The following COL11A1 variants were observed in gnomAD, a reference collection of about 807,000 sequenced individuals.
The protein encoded by COL11A1 is collagen alpha-1(XI) chain.
A neutral mutation model predicts 265.2 loss-of-function variants in COL11A1; 74 were observed. That is an observed-to-expected ratio of 0.28 (90% CI 0.23 to 0.34). The LOEUF is 0.34. Among genes scored for constraint, COL11A1 ranks in the 10% least tolerant of loss-of-function variants. The pLI is 1.00. For missense variants in COL11A1, 2,165 were observed against 2,263.6 expected (o/e 0.96, Z 0.88); for synonymous variants, 816 against 727.6 (o/e 1.12, Z -1.96).
intron 8 of COL11A1, 91 bp downstream of exon 8, chr1:103,022,651 T>A: frequency 6.5e-7 from 1 of 1,530,594 alleles, no homozygotes; most frequent in East Asian, 2.3e-5. Context: ...CAACCTGCAT[T>A]TTAAACCTGA....
At chr1:103,021,614 T>C (rs947868667) in intron 9 of COL11A1, 93 bp downstream of exon 9, 22 of 840,664 alleles carry the variant, frequency 2.6e-5, no homozygotes, top group African/African-American at 5.0e-5. Context: ...AAGATTATCA[T>C]TGGTAAAACA....
At chr1:103,065,697 T>C (rs778229966) in intron 4 of COL11A1, among the ~76,000 whole-genome samples, 9 of 151,786 alleles carry the variant, frequency 5.9e-5, no homozygotes, top group African/African-American at 9.7e-5. Context: ...AGTGATACAC[T>C]ATTGAAAAGA....
intron 1 of COL11A1, among the ~76,000 whole-genome samples, chr1:103,097,692 C>T (rs1166399955): frequency 2.6e-5 from 4 of 151,842 alleles, no homozygotes; most frequent in African/African-American, 4.8e-5. Flanking sequence ...ACTTGTCGAA[C>T]GTGGCAATGA....
At chr1:103,038,709 A>C (rs759289657) in intron 4 of COL11A1, among the ~76,000 whole-genome samples, 1 of 152,184 alleles carries the variant, frequency 6.6e-6, no homozygotes, top group Non-Finnish European at 1.5e-5. Context: ...TAAAAAAATC[A>C]CTTTGACAGC....
chr1:102,952,388 T>A (rs1659977141), intron 41 of COL11A1, among the ~76,000 whole-genome samples: 2 of 152,204 alleles, frequency 1.3e-5, no homozygotes, highest in African/African-American at 4.8e-5. Context: ...TGAGCCACCG[T>A]GCCCAGCCAG....
intron 36 of COL11A1, among the ~76,000 whole-genome samples, chr1:102,971,267 A>G (rs1308268322): frequency 1.3e-5 from 2 of 152,198 alleles, no homozygotes; most frequent in African/African-American, 4.8e-5. Context: ...TGGCTTAAGA[A>G]ATAAATGAAG....
chr1:102,959,031 A>G (rs12142333), intron 41 of COL11A1, among the ~76,000 whole-genome samples: 13,142 of 152,226 alleles, frequency 0.086, 679 homozygotes, highest in African/African-American at 0.15. Context: ...TACATCTGCA[A>G]TGTCCTTGGA....
chr1:103,000,912 C>T (rs1665043030), intron 24 of COL11A1: 1 of 358,096 alleles, frequency 2.8e-6, no homozygotes, highest in East Asian at 4.0e-5. Flanking sequence ...CAATGGAATA[C>T]TATGAGAACA....
At chr1:103,104,360 C>T (rs1022686096) in intron 1 of COL11A1, among the ~76,000 whole-genome samples, 2 of 152,004 alleles carry the variant, frequency 1.3e-5, no homozygotes, top group African/African-American at 4.8e-5. Context: ...GAGATGTTTG[C>T]TTTGCTGTAT....
At chr1:103,071,695 G>A (rs533546051) in intron 4 of COL11A1, among the ~76,000 whole-genome samples, 203 of 151,244 alleles carry the variant, frequency 1.3e-3, no homozygotes, top group Middle Eastern at 3.5e-3. Context: ...CAGACAGAGG[G>A]ACCCACGAGG....
At chr1:102,915,427 T>C (rs1655225376) in intron 50 of COL11A1, among the ~76,000 whole-genome samples, 1 of 152,226 alleles carries the variant, frequency 6.6e-6, no homozygotes, top group African/African-American at 2.4e-5. Flanking sequence ...GCAAATATGA[T>C]ATTTTTTCAA....
At chr1:102,986,373 T>C (rs1663546501) in intron 30 of COL11A1, among the ~76,000 whole-genome samples, 1 of 125,660 alleles carries the variant, frequency 8.0e-6, no homozygotes, top group African/African-American at 3.1e-5. Context: ...TGAGAACACA[T>C]GGACACAGGA....
chr1:103,068,231 G>A (rs1230722235), intron 4 of COL11A1, among the ~76,000 whole-genome samples: 1 of 151,466 alleles, frequency 6.6e-6, no homozygotes, highest in African/African-American at 2.4e-5. Context: ...ACATTAATAA[G>A]ATAACATACT....
intron 4 of COL11A1, among the ~76,000 whole-genome samples, chr1:103,039,092 C>T (rs538782516): frequency 6.6e-6 from 1 of 152,282 alleles, no homozygotes; most frequent in East Asian, 1.9e-4. Context: ...TAATAACTAA[C>T]AGTCATTTCT....
intron 4 of COL11A1, among the ~76,000 whole-genome samples, chr1:103,068,857 TAAATA>T (rs1040602157): frequency 1.9e-3 from 285 of 150,876 alleles, no homozygotes; most frequent in African/African-American, 6.3e-3. Flanking sequence ...AGGAAAAAAT[TAAATA>T]AAAGATGTCC....
At chr1:102,957,186 T>C (rs966314320) in intron 41 of COL11A1, among the ~76,000 whole-genome samples, 3 of 152,002 alleles carry the variant, frequency 2.0e-5, no homozygotes, top group Non-Finnish European at 2.9e-5. Context: ...TCAGACTAAA[T>C]GGATTATAAA....
chr1:102,991,701 C>A (rs1664155642), intron 28 of COL11A1, among the ~76,000 whole-genome samples: 1 of 152,104 alleles, frequency 6.6e-6, no homozygotes, highest in Non-Finnish European at 1.5e-5. Flanking sequence ...CTAAATGCCT[C>A]AGTGTGAGTT....
intron 46 of COL11A1, among the ~76,000 whole-genome samples, chr1:102,928,266 A>G (rs948786320): frequency 5.8e-5 from 7 of 121,366 alleles, no homozygotes; most frequent in African/African-American, 2.2e-4. Context: ...CCACCCCACC[A>G]CAGTCCCCAG....
chr1:103,003,382 C>T (rs1418131450), intron 20 of COL11A1, 114 bp from the exon 21 acceptor site: 1 of 1,102,904 alleles, frequency 9.1e-7, no homozygotes, highest in African/African-American at 1.6e-5. Context: ...ATTTGGACAT[C>T]TTTTATTAAC....
Sources: gnomAD v4.1 joint callset for allele counts (sites outside exome capture counted in the v4.1 genomes callset) on GRCh38, gnomAD v4.1.1 for gene constraint, MANE v1.5 for transcripts, NCBI Gene and HGNC (gene_info 2026-07-23, HGNC 2026-07-21) for gene names.